ZFHX3: variants seen among roughly 807,000 people sequenced by gnomAD.
The protein encoded by ZFHX3 is zinc finger homeobox protein 3.
A neutral mutation model predicts 279.1 loss-of-function variants in ZFHX3; 42 were observed. The ratio of observed to expected loss-of-function variants is 0.15; its 90% CI spans 0.12 to 0.19. The LOEUF (loss-of-function observed/expected upper bound fraction) is 0.19. ZFHX3 is among the 10% of genes least tolerant of loss of function. ZFHX3 has a pLI of 1.00. For synonymous variants in ZFHX3, 2,293 were observed against 1,957.8 expected (o/e 1.17, Z -4.52); for missense variants, 4,981 against 4,754.0 (o/e 1.05, Z -1.40).
chr16:73,395,965 G>C (rs1281840777), intron 3 of ZFHX3, among the ~76,000 whole-genome samples: 1 of 152,188 alleles, frequency 6.6e-6, no homozygotes, highest in Non-Finnish European at 1.5e-5. Context: ...ACAAGGTTTA[G>C]AAGAAAACAA....
intron 3 of ZFHX3, among the ~76,000 whole-genome samples, chr16:72,908,117 CTGG>C (rs1212831752): frequency 2.0e-5 from 3 of 152,158 alleles, no homozygotes; most frequent in African/African-American, 7.2e-5. Context: ...GCCCTGAGTG[CTGG>C]TAATCAGCTT....
At chr16:72,923,627 C>A (rs1959265294) in intron 3 of ZFHX3, among the ~76,000 whole-genome samples, 1 of 152,046 alleles carries the variant, frequency 6.6e-6, no homozygotes, top group Non-Finnish European at 1.5e-5. Context: ...ATGTCATATA[C>A]AGACACCACC....
chr16:73,159,017 A>G (rs1054965964), intron 5 of ZFHX3, among the ~76,000 whole-genome samples: 13 of 152,186 alleles, frequency 8.5e-5, no homozygotes, highest in Non-Finnish European at 1.5e-4. Context: ...ACATAGGAAC[A>G]GGCAAAGATT....
At chr16:73,337,903 G>A (rs896149446) in intron 3 of ZFHX3, among the ~76,000 whole-genome samples, 1 of 122,218 alleles carries the variant, frequency 8.2e-6, no homozygotes, top group African/African-American at 3.0e-5. Context: ...GGGGGGGGGG[G>A]TCCTCATCCC....
chr16:73,096,103 C>T (rs1456790623), intron 7 of ZFHX3, among the ~76,000 whole-genome samples: 2 of 152,314 alleles, frequency 1.3e-5, no homozygotes, highest in Non-Finnish European at 2.9e-5. Context: ...ACTAGCCCTC[C>T]TCCCAGCACC....
At chr16:73,004,227 A>C (rs1483083845) in intron 1 of ZFHX3, among the ~76,000 whole-genome samples, 2 of 128,626 alleles carry the variant, frequency 1.6e-5, no homozygotes, top group African/African-American at 3.1e-5. Context: ...CTGGTCTCAA[A>C]CTCCTGGGCT....
chr16:73,445,843 C>T (rs1253840065), intron 3 of ZFHX3, among the ~76,000 whole-genome samples: 2 of 152,168 alleles, frequency 1.3e-5, no homozygotes, highest in East Asian at 3.9e-4. Flanking sequence ...CACCAGCTCC[C>T]TTTCCCCTGA....
intron 1 of ZFHX3, among the ~76,000 whole-genome samples, chr16:73,824,005 G>A (rs139520713): frequency 1.1e-3 from 175 of 152,284 alleles, no homozygotes; most frequent in African/African-American, 3.7e-3. Context: ...GAAAGTTGAT[G>A]GAACCTTGAC....
At chr16:73,173,992 T>C (rs1967600262) in intron 5 of ZFHX3, among the ~76,000 whole-genome samples, 2 of 152,240 alleles carry the variant, frequency 1.3e-5, no homozygotes, top group African/African-American at 4.8e-5. Flanking sequence ...CTGTGCCTTG[T>C]TCTGAAAATA....
intron 1 of ZFHX3, among the ~76,000 whole-genome samples, chr16:73,786,060 G>A (rs368579820): frequency 1.3e-4 from 20 of 152,018 alleles, no homozygotes; most frequent in African/African-American, 4.6e-4. Context: ...TAGTAGAGAC[G>A]GGCTTTCTCC....
At chr16:73,095,293 T>C (rs1966146566) in intron 7 of ZFHX3, among the ~76,000 whole-genome samples, 1 of 152,060 alleles carries the variant, frequency 6.6e-6, no homozygotes, top group Non-Finnish European at 1.5e-5. Flanking sequence ...CCATCTTGCC[T>C]CTCCCTGTCC....
chr16:73,728,235 G>A (rs1007148665), intron 1 of ZFHX3, among the ~76,000 whole-genome samples: 3 of 152,144 alleles, frequency 2.0e-5, no homozygotes, highest in African/African-American at 7.2e-5. Context: ...CATAGACAGA[G>A]GAAAGACCAC....
At chr16:72,966,424 ATATC>A (rs1961842769) in intron 1 of ZFHX3, among the ~76,000 whole-genome samples, 1 of 152,196 alleles carries the variant, frequency 6.6e-6, no homozygotes, top group South Asian at 2.1e-4. Flanking sequence ...CAATAACAAA[ATATC>A]TAGGAGTTTT....
At chr16:73,793,771 T>C (rs755996157) in intron 1 of ZFHX3, among the ~76,000 whole-genome samples, 8 of 152,174 alleles carry the variant, frequency 5.3e-5, no homozygotes, top group East Asian at 3.9e-4. Context: ...GTCCCGACAA[T>C]TGACAGCCTG....
intron 7 of ZFHX3, among the ~76,000 whole-genome samples, chr16:73,111,430 CA>C (rs1297654546): frequency 6.6e-6 from 1 of 152,164 alleles, no homozygotes; most frequent in Non-Finnish European, 1.5e-5. Context: ...ACAGCATACA[CA>C]GAATAAAAGT....
At chr16:73,762,761 G>A (rs950644123) in intron 1 of ZFHX3, among the ~76,000 whole-genome samples, 5 of 152,172 alleles carry the variant, frequency 3.3e-5, no homozygotes. Context: ...TCACTTATAA[G>A]TGGGAGCTGA....
intron 3 of ZFHX3, among the ~76,000 whole-genome samples, chr16:73,346,503 G>T (rs958717309): frequency 6.6e-6 from 1 of 152,280 alleles, no homozygotes; most frequent in South Asian, 2.1e-4. Flanking sequence ...ACAAAGTTTT[G>T]CTTTGTCATC....
chr16:72,818,764 C>T (rs2036692908), intron 5 of ZFHX3, among the ~76,000 whole-genome samples: 1 of 152,202 alleles, frequency 6.6e-6, no homozygotes, highest in African/African-American at 2.4e-5. Flanking sequence ...CTATTCAAAA[C>T]ACAGTCTTAT....
At chr16:73,748,491 A>T (rs984398089) in intron 1 of ZFHX3, among the ~76,000 whole-genome samples, 1 of 152,070 alleles carries the variant, frequency 6.6e-6, no homozygotes, top group Non-Finnish European at 1.5e-5. Flanking sequence ...AAATGTTTTT[A>T]AGACTTACAC....
Sources: gnomAD v4.1 joint callset for allele counts (sites outside exome capture counted in the v4.1 genomes callset) on GRCh38, gnomAD v4.1.1 for gene constraint, MANE v1.5 for transcripts, NCBI Gene and HGNC (gene_info 2026-07-23, HGNC 2026-07-21) for gene names.